Variants in HYDIN observed in about 807,000 individuals in gnomAD.
HYDIN encodes the protein HYDIN axonemal central pair apparatus protein.
Under a neutral mutation model 403.9 loss-of-function variants are expected in HYDIN, and 132 were observed. That is an observed-to-expected ratio of 0.33 (90% confidence interval 0.28 to 0.38). The LOEUF (loss-of-function observed/expected upper bound fraction) is 0.38, where lower values mean the gene tolerates loss of function less well. Ranked by LOEUF, HYDIN falls within the 10% of genes least tolerant of loss-of-function variation. HYDIN has a pLI of 1.00. For synonymous variants in HYDIN, 1,202 were observed against 1,891.7 expected, an observed-to-expected ratio of 0.64 and a Z score of 9.46; for missense variants, 2,827 against 5,009.5, an observed-to-expected ratio of 0.56 and a Z score of 13.15.
At chr16:71,074,848 G>A (rs1418974320) in intron 13 of HYDIN, among the ~76,000 whole-genome samples, 2 of 150,854 alleles carry the variant, frequency 1.3e-5, no homozygotes, top group Non-Finnish European at 3.0e-5. Context: ...TTGGAGTCAT[G>A]AGGCTTAAAT....
At chr16:71,004,606 A>T (rs1162806413) in intron 23 of HYDIN, among the ~76,000 whole-genome samples, 2 of 151,832 alleles carry the variant, frequency 1.3e-5, no homozygotes, top group African/African-American at 4.8e-5. Flanking sequence ...GCTTTGCTGG[A>T]TTCAGTTTGT....
chr16:70,984,775 C>T (rs2144028145), intron 28 of HYDIN, among the ~76,000 whole-genome samples: 1 of 148,050 alleles, frequency 6.8e-6, no homozygotes, highest in Admixed American at 6.8e-5. Flanking sequence ...GAACAAGGAA[C>T]CACTTTCTCT....
At chr16:70,814,101 T>C (rs1429892128) in intron 84 of HYDIN, among the ~76,000 whole-genome samples, 1 of 151,468 alleles carries the variant, frequency 6.6e-6, no homozygotes, top group Non-Finnish European at 1.5e-5. Flanking sequence ...TGCTCACATA[T>C]GAAAGCAATT....
intron 47 of HYDIN, among the ~76,000 whole-genome samples, chr16:70,913,111 T>G (rs2076738977): frequency 7.2e-6 from 1 of 139,686 alleles, no homozygotes; most frequent in Non-Finnish European, 1.5e-5. Flanking sequence ...TTCGTATTGC[T>G]TTTTTTTTTG....
chr16:71,011,711 C>A (rs6499379), intron 23 of HYDIN, among the ~76,000 whole-genome samples: 9 of 150,670 alleles, frequency 6.0e-5, no homozygotes, highest in Admixed American at 5.3e-4. Flanking sequence ...GGTGACAGAG[C>A]GAGACTTTGT....
intron 35 of HYDIN, among the ~76,000 whole-genome samples, chr16:70,972,980 G>T (rs1405001474): frequency 6.6e-6 from 1 of 152,100 alleles, no homozygotes; most frequent in Non-Finnish European, 1.5e-5. Flanking sequence ...GATCTTACTG[G>T]GTTTCAGAAT....
chr16:71,141,366 T>C (rs910873726), intron 7 of HYDIN, among the ~76,000 whole-genome samples: 3 of 151,778 alleles, frequency 2.0e-5, no homozygotes, highest in Admixed American at 6.6e-5. Context: ...TGAAGCCATA[T>C]ATATAAAACA....
At chr16:71,094,356 T>C (rs1248925250) in intron 10 of HYDIN, among the ~76,000 whole-genome samples, 9 of 152,174 alleles carry the variant, frequency 5.9e-5, no homozygotes, top group Admixed American at 5.9e-4. Context: ...AACAGTCACA[T>C]GGGTATAACA....
At chr16:71,171,114 G>C (rs2086444124) in intron 5 of HYDIN, among the ~76,000 whole-genome samples, 2 of 152,140 alleles carry the variant, frequency 1.3e-5, no homozygotes, top group African/African-American at 4.8e-5. Flanking sequence ...AGCTTCCTCT[G>C]CTCCAGCCCC....
intron 10 of HYDIN, 69 bp downstream of exon 10, chr16:71,115,627 A>G: frequency 1.1e-6 from 1 of 872,568 alleles, no homozygotes; most frequent in Non-Finnish European, 2.0e-6. Context: ...ACACACACAC[A>G]CTCAGGCACC....
At chr16:70,830,027 T>C (rs867385375) in intron 80 of HYDIN, among the ~76,000 whole-genome samples, 197 bp from the exon 81 acceptor site, 3 of 152,108 alleles carry the variant, frequency 2.0e-5, no homozygotes, top group Non-Finnish European at 2.9e-5. Flanking sequence ...GCACTGTTCT[T>C]GGTGGTAGAG....
rs1568085786 is a variant in HYDIN at position 71,062,335 on chromosome 16, T to C, written c.2212-2A>G. 1.3e-6 allele frequency: 2 copies of C among 1,597,692 alleles called. No homozygotes were observed. Among genetic ancestry groups the C allele is most frequent in the Non-Finnish European group, 1.7e-6 (2 of 1,171,178 alleles). ...CACAGTAGGCACCTCCTCACACACC[T>C]GGGGGAGAGAAAACCAGAGGGGTAA... On this transcript the variant is annotated splice_acceptor_variant, in intron 16 of 85. Transcript: ENST00000393567. LOFTEE classifies it high-confidence loss of function.
rs575084031 is a variant in HYDIN at position 70,883,996 on chromosome 16, G to A, written c.9903C>T (p.Ile3301=). ...AMGKCEEFIA[I]DISGRDPAVH... ...CTGCAGGGTCTCGGCCGGAGATATC[G>A]ATGGCTATAAACTCCTCACACTTTC... Residue 3301 remains isoleucine (I), a synonymous_variant, in exon 59 of 86, where the codon ATC becomes ATT. Coordinates refer to ENST00000393567, the MANE Select transcript of HYDIN (RefSeq NM_001270974.2). The A allele has an allele frequency of 1.6e-5, 26 of 1,614,168 alleles. No homozygotes were observed. Among genetic ancestry groups the A allele is most frequent in the East Asian group, 1.6e-4 (7 of 44,882 alleles).
chr16:71,016,216 C>G (rs993148804), intron 23 of HYDIN, among the ~76,000 whole-genome samples: 1 of 151,946 alleles, frequency 6.6e-6, no homozygotes, highest in Non-Finnish European at 1.5e-5. Context: ...TATTTGCAAA[C>G]CATATATCTG....
chr16:70,944,074 AACTGC>A lies in HYDIN; in HGVS notation c.6532-130_6532-126del, dbSNP rs374042374. On this transcript the variant is annotated intron_variant, in intron 41 of 85. Transcript: ENST00000393567. ...GTCATTTCCTCATCTGTACAATGGG[AACTGC>A]ATTATAAAATGGAAGGACCCTGTCT... is the stretch of plus-strand genomic sequence containing the variant. 4.0e-5 allele frequency: 28 copies of A among 695,124 alleles called. No homozygotes were observed. In the African/African-American group the frequency reaches 4.8e-4, roughly 12 times the overall value. The allele number at this position is 695,124 out of a possible 1,614,324, so 43.1% of individuals were successfully genotyped here.
intron 45 of HYDIN, among the ~76,000 whole-genome samples, chr16:70,931,426 C>T (rs375389493): frequency 6.6e-6 from 1 of 151,694 alleles, no homozygotes; most frequent in African/African-American, 2.4e-5. Context: ...CTTTTGCTAA[C>T]GTTAGTGTTG....
chr16:71,006,555 A>G (rs1171557251), intron 23 of HYDIN, among the ~76,000 whole-genome samples: 2 of 152,128 alleles, frequency 1.3e-5, no homozygotes. Context: ...ATCAGGAACC[A>G]CTGGCTATCA....
rs2035019884 is a variant in HYDIN at position 70,804,414 on chromosome 16, CG to C, written c.*3165del. On this transcript the variant is annotated 3_prime_UTR_variant, in exon 86 of 86. Coordinates refer to ENST00000393567, the MANE Select transcript of HYDIN (RefSeq NM_001270974.2). Reference sequence around the variant, plus strand: ...GGAGGAGACCCTCAAATCCATCTCCCGGAAGAGTTCTGGACTGGGGTTTTTA... The same window carrying C: ...GGAGGAGACCCTCAAATCCATCTCCCGAAGAGTTCTGGACTGGGGTTTTTA... Among the ~76,000 whole-genome samples, 1 of 152,086 alleles carries C rather than the reference CG, an allele frequency of 6.6e-6. No individual in the cohort carries two copies. The highest frequency in any genetic ancestry group is 1.5e-5 in the Non-Finnish European group (1 of 68,028).
rs748221484 is a variant in HYDIN at position 71,186,919 on chromosome 16, C to G, written c.-23-1G>C. 6.3e-7 allele frequency: 1 copy of G among 1,592,966 alleles called. No homozygotes were observed. The highest frequency in any genetic ancestry group is 1.1e-5 in the South Asian group (1 of 87,090). ...ATTTTTAGTAATTTTTTTTTCTCAC[C>G]TAAGAGTGAAACAAAAATGTCTTAG... On this transcript the variant is annotated splice_acceptor_variant, in intron 1 of 85. Transcript: ENST00000393567. LOFTEE classifies it low-confidence loss of function (5UTR_SPLICE).
Sources: gnomAD v4.1 joint callset for allele counts (sites outside exome capture counted in the v4.1 genomes callset) on GRCh38, gnomAD v4.1.1 for gene constraint, MANE v1.5 for transcripts, NCBI Gene and HGNC (gene_info 2026-07-23, HGNC 2026-07-21) for gene names.